Variants in PTPRE observed in about 807,000 individuals in gnomAD.
PTPRE encodes protein tyrosine phosphatase receptor type E.
A neutral mutation model predicts 102.0 loss-of-function variants in PTPRE; 51 were observed. The ratio of observed to expected loss-of-function variants is 0.50; its 90% CI spans 0.40 to 0.63. The LOEUF is 0.63. PTPRE is among the 30% of genes least tolerant of loss of function. The pLI is 0.00. For synonymous variants in PTPRE, 345 were observed against 348.2 expected, an observed-to-expected ratio of 0.99 and a Z score of 0.10; for missense variants, 752 against 915.1, an observed-to-expected ratio of 0.82 and a Z score of 2.30.
At chr10:127,998,756 G>A (rs1348917648) in intron 2 of PTPRE, 1 of 152,020 alleles carries the variant, frequency 6.6e-6, no homozygotes, top group African/African-American at 2.4e-5. Flanking sequence ...ACTAACGACC[G>A]CGCCACTGGG....
chr10:128,025,904 C>T (rs539849027), intron 2 of PTPRE, among the ~76,000 whole-genome samples: 2 of 152,202 alleles, frequency 1.3e-5, no homozygotes, highest in Admixed American at 1.3e-4. Context: ...GTGCAGGGGG[C>T]ATGTTTATAT....
chr10:127,928,436 A>G (rs1467079498), intron 1 of PTPRE, among the ~76,000 whole-genome samples: 1 of 152,180 alleles, frequency 6.6e-6, no homozygotes, highest in Non-Finnish European at 1.5e-5. Context: ...CAGATATGTA[A>G]TTCTTTTACT....
intron 1 of PTPRE, among the ~76,000 whole-genome samples, chr10:127,932,173 G>A (rs1422990213): frequency 6.6e-6 from 1 of 152,066 alleles, no homozygotes; most frequent in South Asian, 2.1e-4. Flanking sequence ...ACTTATGATT[G>A]TCCTCCTCGA....
At chr10:128,031,086 A>G (rs1846716676) in intron 2 of PTPRE, among the ~76,000 whole-genome samples, 1 of 152,120 alleles carries the variant, frequency 6.6e-6, no homozygotes, top group African/African-American at 2.4e-5. Flanking sequence ...CTGGCAGTCA[A>G]CTCTTAGTAA....
At chr10:128,062,983 G>A in intron 9 of PTPRE, 100 bp from the exon 10 acceptor site, 1 of 1,546,592 alleles carries the variant, frequency 6.5e-7, no homozygotes, top group Non-Finnish European at 8.8e-7. Context: ...AGAAGGGAGT[G>A]AACAGCTGTC....
intron 12 of PTPRE, chr10:128,068,490 A>G: frequency 4.1e-6 from 2 of 490,394 alleles, no homozygotes; most frequent in Non-Finnish European, 6.7e-6. Context: ...ATCCCAGTCG[A>G]TAAAACCCAC....
At chr10:127,910,785 G>A (rs931316452) in intron 1 of PTPRE, among the ~76,000 whole-genome samples, 16 of 152,196 alleles carry the variant, frequency 1.1e-4, no homozygotes, top group Admixed American at 5.9e-4. Context: ...GCACATGTAA[G>A]AATCAGTGAA....
intron 11 of PTPRE, among the ~76,000 whole-genome samples, chr10:128,067,084 G>GCA (rs1248367539): frequency 6.9e-6 from 1 of 145,242 alleles, no homozygotes; most frequent in Non-Finnish European, 1.5e-5. Flanking sequence ...CCACACACAG[G>GCA]CACACACATG....
At chr10:127,920,881 C>A (rs1846546561) in intron 1 of PTPRE, among the ~76,000 whole-genome samples, 1 of 152,232 alleles carries the variant, frequency 6.6e-6, no homozygotes, top group African/African-American at 2.4e-5. Flanking sequence ...TGTGGGGCCT[C>A]CAGCAAACTC....
intron 2 of PTPRE, among the ~76,000 whole-genome samples, chr10:127,985,951 TG>T (rs1235991658): frequency 6.6e-6 from 1 of 151,238 alleles, no homozygotes; most frequent in Non-Finnish European, 1.5e-5. Flanking sequence ...ATTAGCTGAG[TG>T]TGGTGGCGGG....
At chr10:128,076,272 G>A (rs1285676588) in intron 17 of PTPRE, among the ~76,000 whole-genome samples, 1 of 152,148 alleles carries the variant, frequency 6.6e-6, no homozygotes, top group Admixed American at 6.5e-5. Context: ...AGAGCTGGGG[G>A]CACTCACATC....
intron 2 of PTPRE, among the ~76,000 whole-genome samples, chr10:128,035,447 C>T (rs1442931758): frequency 2.6e-5 from 4 of 152,078 alleles, no homozygotes; most frequent in African/African-American, 9.7e-5. Context: ...CATTTTAGCC[C>T]CCTCCTTTGC....
At chr10:127,926,743 C>T (rs965047956) in intron 1 of PTPRE, among the ~76,000 whole-genome samples, 8 of 146,570 alleles carry the variant, frequency 5.5e-5, no homozygotes, top group Non-Finnish European at 1.0e-4. Flanking sequence ...GCTGCTGTCA[C>T]AATCAAAGAC....
At chr10:127,927,100 G>C (rs1847081124) in intron 1 of PTPRE, among the ~76,000 whole-genome samples, 1 of 152,026 alleles carries the variant, frequency 6.6e-6, no homozygotes. Flanking sequence ...ATGAGCCACT[G>C]CGCCAGGTCT....
chr10:128,033,508 G>A (rs544915138), intron 2 of PTPRE, among the ~76,000 whole-genome samples: 1 of 152,316 alleles, frequency 6.6e-6, no homozygotes, highest in Admixed American at 6.5e-5. Flanking sequence ...TCACAGGAAA[G>A]GCAGTGGAAG....
intron 2 of PTPRE, among the ~76,000 whole-genome samples, chr10:128,023,850 G>A (rs1422398034): frequency 6.6e-6 from 1 of 152,178 alleles, no homozygotes; most frequent in Non-Finnish European, 1.5e-5. Context: ...ATCATAAATA[G>A]TCTACTCTGT....
chr10:128,005,547 T>A (rs1336301543), intron 2 of PTPRE, among the ~76,000 whole-genome samples: 1 of 152,160 alleles, frequency 6.6e-6, no homozygotes, highest in East Asian at 1.9e-4. Context: ...ATGTATTTGA[T>A]GTCTGAAAAA....
At chr10:127,941,851 C>T (rs1205491267) in intron 1 of PTPRE, among the ~76,000 whole-genome samples, 1 of 151,972 alleles carries the variant, frequency 6.6e-6, no homozygotes, top group Non-Finnish European at 1.5e-5. Flanking sequence ...AACCCCGAAT[C>T]CCTCACTCTG....
At chr10:128,036,638 C>A (rs1222889706) in intron 2 of PTPRE, among the ~76,000 whole-genome samples, 2 of 152,030 alleles carry the variant, frequency 1.3e-5, no homozygotes, top group Non-Finnish European at 2.9e-5. Context: ...AAGATGGAAA[C>A]CCCGATACCT....
Sources: allele counts gnomAD v4.1 joint callset (sites outside exome capture counted in the v4.1 genomes callset), GRCh38; gene constraint gnomAD v4.1.1; transcripts MANE v1.5; gene names NCBI Gene and HGNC (gene_info 2026-07-23, HGNC 2026-07-21).